The following FARS2 variants were observed in gnomAD, a reference collection of about 807,000 sequenced individuals.
FARS2 encodes the protein phenylalanine--tRNA ligase, mitochondrial.
In FARS2, 40 loss-of-function variants were observed where a neutral mutation model predicts 46.4. The ratio of observed to expected loss-of-function variants is 0.86; its 90% confidence interval spans 0.67 to 1.12. The LOEUF (loss-of-function observed/expected upper bound fraction) is 1.12. FARS2 is among the 50% of genes most tolerant of loss of function. FARS2 has a pLI of 0.00. For missense variants in FARS2, 513 were observed against 567.9 expected, an observed-to-expected ratio of 0.90 and a Z score of 0.98; for synonymous variants, 234 against 214.9, an observed-to-expected ratio of 1.09 and a Z score of -0.78.
At position 5,715,381 on chromosome 6, in the gene FARS2, G is replaced by T. The variant is rs77968905; in HGVS notation, c.1218-55910G>T. 1.4e-4 allele frequency among the ~76,000 whole-genome samples: 21 copies of T among 152,138 alleles called. No individual in the cohort carries two copies. In the East Asian group the frequency reaches 3.7e-3, roughly 27 times the overall value. On this transcript the variant is annotated intron_variant, in intron 6 of 6. Transcript: ENST00000274680. ...CGTATAGTCACAGAGTTGTGCGTTC[G>T]TCGCCACAGTTGATTTTAAAACGTT...
At chr6:5,758,981 GA>G (rs138170437) in intron 6 of FARS2, among the ~76,000 whole-genome samples, 1 of 150,954 alleles carries the variant, frequency 6.6e-6, no homozygotes, top group African/African-American at 2.4e-5. Flanking sequence ...TGTTTCATTA[GA>G]AAAAAAAAGA....
At chr6:5,615,367 C>T (rs904019415) in intron 6 of FARS2, among the ~76,000 whole-genome samples, 1 of 152,082 alleles carries the variant, frequency 6.6e-6, no homozygotes, top group African/African-American at 2.4e-5. Context: ...ACTGTGTTTT[C>T]TTCTGTCTTT....
intron 2 of FARS2, among the ~76,000 whole-genome samples, chr6:5,370,261 C>T (rs1167420055): frequency 6.6e-6 from 1 of 152,076 alleles, no homozygotes; most frequent in East Asian, 1.9e-4. Context: ...CTTTTTCTTT[C>T]TGTTTACCTC....
chr6:5,421,341 C>T (rs1381052376), intron 3 of FARS2, among the ~76,000 whole-genome samples: 1 of 152,184 alleles, frequency 6.6e-6, no homozygotes, highest in South Asian at 2.1e-4. Context: ...ACCACTTTTT[C>T]CTTGTAGGCC....
intron 4 of FARS2, among the ~76,000 whole-genome samples, chr6:5,462,707 A>G (rs1160685306): frequency 6.6e-6 from 1 of 152,194 alleles, no homozygotes; most frequent in Non-Finnish European, 1.5e-5. Flanking sequence ...TGCAGTCTTG[A>G]CTATTGAAGC....
At chr6:5,398,945 T>G (rs532781735) in intron 2 of FARS2, among the ~76,000 whole-genome samples, 1 of 152,178 alleles carries the variant, frequency 6.6e-6, no homozygotes, top group Admixed American at 6.5e-5. Context: ...CAATATTTGC[T>G]ATGTTTATTT....
rs1439452888 is a variant in FARS2 at position 5,764,808 on chromosome 6, AG to A, written c.1218-6482del. Among the ~76,000 whole-genome samples the A allele has an allele frequency of 2.0e-5, 3 of 152,162 alleles. No homozygotes were observed. Among genetic ancestry groups the A allele is most frequent in the African/African-American group, 4.8e-5 (2 of 41,438 alleles). On this transcript the variant is annotated intron_variant, in intron 6 of 6. Transcript: ENST00000274680. The surrounding 1 kb of genome is among the most constrained non-coding windows in gnomAD (Gnocchi z 4.1). ...CCTGTTTGGTTGCCAGGGTAAACCA[AG>A]TGGTTGTATGATAGAGGAATTCCAA...
intron 4 of FARS2, among the ~76,000 whole-genome samples, chr6:5,442,671 T>C (rs976782848): frequency 1.2e-4 from 18 of 152,200 alleles, no homozygotes; most frequent in Non-Finnish European, 2.4e-4. Context: ...CCTAGTGTTC[T>C]GTCAGATTTA....
intron 5 of FARS2, among the ~76,000 whole-genome samples, chr6:5,559,773 T>C (rs1233245544): frequency 1.3e-5 from 2 of 152,088 alleles, no homozygotes; most frequent in Non-Finnish European, 2.9e-5. Context: ...TGTGAGAATG[T>C]GGAACTGATG....
intron 6 of FARS2, among the ~76,000 whole-genome samples, chr6:5,657,943 G>C (rs1777677562): frequency 6.6e-6 from 1 of 152,160 alleles, no homozygotes; most frequent in East Asian, 1.9e-4. Context: ...ATGGGGAATA[G>C]TCATAAAAAT....
In FARS2 at chr6:5,423,385, G is replaced by A. The variant is rs1242121257; in HGVS notation, c.773-7656G>A. 2.0e-5 allele frequency among the ~76,000 whole-genome samples: 3 copies of A among 152,036 alleles called. No individual in the cohort carries two copies. In the East Asian group the frequency reaches 5.8e-4, roughly 29 times the overall value. Reference sequence around the variant, plus strand: ...ATTTCTCATTTCATTGTGAGGTAGAGAAACGATCATATCATCTTACGATCC... The same window carrying A: ...ATTTCTCATTTCATTGTGAGGTAGAAAAACGATCATATCATCTTACGATCC... On this transcript the variant is annotated intron_variant, in intron 3 of 6. Transcript: ENST00000274680.
At chr6:5,504,972 C>T (rs769312818) in intron 4 of FARS2, among the ~76,000 whole-genome samples, 66 of 151,702 alleles carry the variant, frequency 4.4e-4, no homozygotes, top group Middle Eastern at 3.2e-3. Flanking sequence ...CTGGCTTGGA[C>T]GTTTTTTAAA....
intron 6 of FARS2, among the ~76,000 whole-genome samples, chr6:5,710,000 A>G (rs1276629740): frequency 1.3e-5 from 2 of 152,128 alleles, no homozygotes; most frequent in Non-Finnish European, 2.9e-5. Context: ...TATCATTTCT[A>G]TGGGCCATTT....
intron 6 of FARS2, among the ~76,000 whole-genome samples, chr6:5,618,049 A>G (rs1024924790): frequency 6.6e-6 from 1 of 152,226 alleles, no homozygotes; most frequent in African/African-American, 2.4e-5. Flanking sequence ...TAACTACTCA[A>G]GTCTGCAAGT....
intron 1 of FARS2, among the ~76,000 whole-genome samples, chr6:5,358,302 T>C (rs1758066678): frequency 6.6e-6 from 1 of 151,998 alleles, no homozygotes; most frequent in South Asian, 2.1e-4. Context: ...AACTGTTATA[T>C]ATATATGTAC....
intron 1 of FARS2, among the ~76,000 whole-genome samples, chr6:5,349,364 G>T (rs1422067044): frequency 2.0e-5 from 3 of 152,176 alleles, no homozygotes; most frequent in Non-Finnish European, 4.4e-5. Context: ...GTGCTCACAG[G>T]TTGGAAAACT....
intron 1 of FARS2, among the ~76,000 whole-genome samples, chr6:5,323,381 G>T (rs1445122709): frequency 1.3e-5 from 2 of 152,118 alleles, no homozygotes. Context: ...TGACACCTTG[G>T]ACTTAACCTT....
intron 6 of FARS2, among the ~76,000 whole-genome samples, chr6:5,700,887 G>C (rs1299676411): frequency 6.6e-6 from 1 of 152,190 alleles, no homozygotes; most frequent in Non-Finnish European, 1.5e-5. Flanking sequence ...GCACTCCTCT[G>C]TCACTACAGC....
At chr6:5,594,957 C>T (rs532255974) in intron 5 of FARS2, among the ~76,000 whole-genome samples, 3 of 152,324 alleles carry the variant, frequency 2.0e-5, no homozygotes, top group Admixed American at 1.3e-4. Flanking sequence ...CTCCTCTGTC[C>T]GGCCGGCAGC....
Sources: gnomAD v4.1 joint callset for allele counts (sites outside exome capture counted in the v4.1 genomes callset) on GRCh38, gnomAD v4.1.1 for gene constraint, Gnocchi (gnomAD v3.1) non-coding constraint, MANE v1.5 for transcripts, NCBI Gene and HGNC (gene_info 2026-07-23, HGNC 2026-07-21) for gene names.